Variants in GLCE observed in about 807,000 individuals in gnomAD.
GLCE encodes the protein glucuronic acid epimerase, also known as D-glucuronyl C5-epimerase.
GLCE carries 19 observed loss-of-function variants against 47.9 expected under a neutral mutation model. The observed-to-expected ratio is 0.40, with a 90% CI of 0.28 to 0.58. The LOEUF (loss-of-function observed/expected upper bound fraction) is 0.58. Among genes scored for constraint, GLCE ranks in the 20% least tolerant of loss-of-function variants. The probability of loss-of-function intolerance (pLI) is 0.48; values close to 1 mark genes in which losing one functional copy is unlikely to be tolerated. For synonymous variants in GLCE, 245 were observed against 263.4 expected (o/e 0.93, Z 0.68); for missense variants, 556 against 743.3 (o/e 0.75, Z 2.93).
intron 2 of GLCE, among the ~76,000 whole-genome samples, chr15:69,246,275 C>T (rs550182476): frequency 2.6e-5 from 4 of 152,250 alleles, no homozygotes; most frequent in South Asian, 4.2e-4. Context: ...ATATTTTGAC[C>T]TCCTCCCATG....
chr15:69,166,138 T>C (rs974361466), intron 1 of GLCE, among the ~76,000 whole-genome samples: 4 of 152,240 alleles, frequency 2.6e-5, no homozygotes, highest in African/African-American at 9.6e-5. Flanking sequence ...TGCTTTTTAC[T>C]TGGAAAATGA....
chr15:69,167,823 G>GT (rs79073362), intron 1 of GLCE, among the ~76,000 whole-genome samples: 19,165 of 135,558 alleles, frequency 0.14, 1,291 homozygotes, highest in African/African-American at 0.17. Flanking sequence ...CTTGGGAAAA[G>GT]TTTTTTTTTT....
chr15:69,201,426 A>T (rs2052075384), intron 1 of GLCE, among the ~76,000 whole-genome samples: 1 of 151,902 alleles, frequency 6.6e-6, no homozygotes, highest in Non-Finnish European at 1.5e-5. Flanking sequence ...CACTGGGGCT[A>T]TTGTGGTAAA....
intron 3 of GLCE, among the ~76,000 whole-genome samples, chr15:69,258,259 G>T (rs1170884125): frequency 6.6e-6 from 1 of 151,952 alleles, no homozygotes; most frequent in Non-Finnish European, 1.5e-5. Context: ...TTGGTTTTCT[G>T]TTCCTGCGTT....
At chr15:69,161,269 C>T (rs748841866) in intron 1 of GLCE, among the ~76,000 whole-genome samples, 1 of 151,866 alleles carries the variant, frequency 6.6e-6, no homozygotes, top group Non-Finnish European at 1.5e-5. Flanking sequence ...CGTGGGCGTC[C>T]GTTTCGCATT....
At chr15:69,245,123 A>G (rs2052727977) in intron 2 of GLCE, among the ~76,000 whole-genome samples, 1 of 152,164 alleles carries the variant, frequency 6.6e-6, no homozygotes, top group South Asian at 2.1e-4. Context: ...ACTTGAGGTC[A>G]GGAGTTCAAG....
chr15:69,196,974 A>G, intron 1 of GLCE: 2 of 247,736 alleles, frequency 8.1e-6, no homozygotes, highest in Admixed American at 4.4e-5. Flanking sequence ...ACTTCTACCA[A>G]AATGTTAATG....
At chr15:69,244,953 A>T (rs2052726038) in intron 2 of GLCE, among the ~76,000 whole-genome samples, 1 of 152,334 alleles carries the variant, frequency 6.6e-6, no homozygotes, top group East Asian at 1.9e-4. Context: ...ACTCACACAC[A>T]TTTTTTGGTT....
chr15:69,176,327 G>A (rs749840332), intron 1 of GLCE, among the ~76,000 whole-genome samples: 2 of 140,796 alleles, frequency 1.4e-5, no homozygotes, highest in Non-Finnish European at 3.0e-5. Flanking sequence ...GGGTTCAAGC[G>A]CTTCTCCTGC....
At chr15:69,228,830 A>T (rs2140400836) in intron 2 of GLCE, among the ~76,000 whole-genome samples, 1 of 152,082 alleles carries the variant, frequency 6.6e-6, no homozygotes, top group Non-Finnish European at 1.5e-5. Flanking sequence ...GGGACTACAG[A>T]TGCATGCCAC....
At chr15:69,195,119 A>C (rs909741258) in intron 1 of GLCE, among the ~76,000 whole-genome samples, 5 of 152,010 alleles carry the variant, frequency 3.3e-5, no homozygotes, top group Admixed American at 1.3e-4. Context: ...GTGGGGGAGG[A>C]TGTGATAAAA....
At chr15:69,167,652 GCAA>G in intron 1 of GLCE, among the ~76,000 whole-genome samples, 1 of 152,242 alleles carries the variant, frequency 6.6e-6, no homozygotes, top group South Asian at 2.1e-4. Context: ...ATATCTAATT[GCAA>G]GGTAGTGTAT....
intron 2 of GLCE, among the ~76,000 whole-genome samples, chr15:69,236,442 AAATT>A (rs2052595209): frequency 6.6e-6 from 1 of 152,206 alleles, no homozygotes; most frequent in South Asian, 2.1e-4. Flanking sequence ...CCTTTTAAAA[AAATT>A]AGCATGTAGT....
At position 69,272,141 on chromosome 15, in the gene GLCE, G is replaced by A. The variant is rs1162862550; in HGVS notation, c.*2897G>A. 1 of 152,588 alleles carries A rather than the reference G, an allele frequency of 6.6e-6. No homozygotes were observed. Among genetic ancestry groups the A allele is most frequent in the Non-Finnish European group, 1.5e-5 (1 of 68,024 alleles). The allele number at this position is 152,588 out of a possible 1,614,324, so 9.5% of individuals were successfully genotyped here. A position where few individuals can be genotyped will look rare whatever the true frequency, so the allele number is the denominator to read the frequency against. On this transcript the variant is annotated 3_prime_UTR_variant, in exon 5 of 5. Coordinates refer to ENST00000261858, the MANE Select transcript of GLCE (RefSeq NM_015554.3). Reference sequence around the variant, plus strand: ...ATTTTGTTTCTATACAAAGTAAATGGATTGTTTGTGCTTAATGTAAAGCCG... The same window carrying A: ...ATTTTGTTTCTATACAAAGTAAATGAATTGTTTGTGCTTAATGTAAAGCCG...
intron 1 of GLCE, among the ~76,000 whole-genome samples, chr15:69,187,024 A>G (rs1167825573): frequency 6.6e-6 from 1 of 152,222 alleles, no homozygotes; most frequent in Non-Finnish European, 1.5e-5. Context: ...AATGAAATTA[A>G]GATGACACTA....
intron 2 of GLCE, among the ~76,000 whole-genome samples, chr15:69,230,212 TAAA>T (rs34749707): frequency 2.9e-5 from 4 of 138,112 alleles, no homozygotes; most frequent in Non-Finnish European, 1.6e-5. Flanking sequence ...CATCTCGATT[TAAA>T]AAAAAAAAAA....
At chr15:69,243,448 C>T (rs1041586136) in intron 2 of GLCE, among the ~76,000 whole-genome samples, 6 of 151,290 alleles carry the variant, frequency 4.0e-5, no homozygotes, top group Non-Finnish European at 8.8e-5. Flanking sequence ...GCTTCAAAGC[C>T]GATTTATTGG....
intron 1 of GLCE, among the ~76,000 whole-genome samples, chr15:69,187,343 A>G (rs1264515522): frequency 6.6e-6 from 1 of 152,186 alleles, no homozygotes; most frequent in Non-Finnish European, 1.5e-5. Context: ...AAGGAAAAGG[A>G]TACTAATGTA....
At chr15:69,260,209 AT>A (rs2052991896) in intron 3 of GLCE, among the ~76,000 whole-genome samples, 1 of 150,742 alleles carries the variant, frequency 6.6e-6, no homozygotes, top group South Asian at 2.1e-4. Context: ...ATGAAAAAGA[AT>A]TTCAAGCTGT....
Sources: gnomAD v4.1 joint callset for allele counts (sites outside exome capture counted in the v4.1 genomes callset) on GRCh38, gnomAD v4.1.1 for gene constraint, MANE v1.5 for transcripts, NCBI Gene and HGNC (gene_info 2026-07-23, HGNC 2026-07-21) for gene names.